The following CNTNAP2 variants were observed in gnomAD, a reference collection of about 807,000 sequenced individuals.
The protein encoded by CNTNAP2 is contactin associated protein 2.
In CNTNAP2, 98 loss-of-function variants were observed where a neutral mutation model predicts 155.2. The ratio of observed to expected loss-of-function variants is 0.63; its 90% CI spans 0.54 to 0.75. The LOEUF is 0.75. Ranked by LOEUF, CNTNAP2 falls within the 30% of genes least tolerant of loss-of-function variation. CNTNAP2 has a pLI of 0.00. For missense variants in CNTNAP2, 1,727 were observed against 1,688.1 expected, an observed-to-expected ratio of 1.02 and a Z score of -0.40; for synonymous variants, 651 against 631.2, an observed-to-expected ratio of 1.03 and a Z score of -0.47.
chr7:146,969,436 G>T (rs957588859), intron 3 of CNTNAP2, among the ~76,000 whole-genome samples: 1 of 152,104 alleles, frequency 6.6e-6, no homozygotes, highest in African/African-American at 2.4e-5. Context: ...TTATTATTGT[G>T]TGGGAGTCTA....
chr7:147,618,872 G>A (rs1343801412), intron 12 of CNTNAP2, among the ~76,000 whole-genome samples: 2 of 152,046 alleles, frequency 1.3e-5, no homozygotes, highest in Admixed American at 6.6e-5. Flanking sequence ...TGAATTACTT[G>A]AGGATTACAG....
chr7:146,666,768 A>G (rs906516622), intron 1 of CNTNAP2, among the ~76,000 whole-genome samples: 13 of 151,936 alleles, frequency 8.6e-5, no homozygotes, highest in Admixed American at 4.6e-4. Flanking sequence ...AGCATTTTTC[A>G]TTTGTTGCAT....
intron 1 of CNTNAP2, among the ~76,000 whole-genome samples, chr7:146,230,376 G>T (rs1275474829): frequency 6.6e-6 from 1 of 152,108 alleles, no homozygotes; most frequent in African/African-American, 2.4e-5. Context: ...AGAGAAACCT[G>T]ATATCTTTCT....
chr7:147,860,298 G>A (rs866493042), intron 13 of CNTNAP2, among the ~76,000 whole-genome samples: 21 of 152,052 alleles, frequency 1.4e-4, no homozygotes, highest in East Asian at 1.9e-4. Context: ...GGTGGTCTGC[G>A]CCTGTAATCC....
intron 9 of CNTNAP2, among the ~76,000 whole-genome samples, chr7:147,307,093 T>A (rs2116785590): frequency 6.6e-6 from 1 of 152,308 alleles, no homozygotes; most frequent in African/African-American, 2.4e-5. Flanking sequence ...CAGTGAAGCA[T>A]AAGCTTAAAA....
At chr7:147,371,822 G>A (rs1424572828) in intron 9 of CNTNAP2, among the ~76,000 whole-genome samples, 1 of 151,978 alleles carries the variant, frequency 6.6e-6, no homozygotes. Flanking sequence ...TGTGCATTTT[G>A]TTATGCATTT....
intron 15 of CNTNAP2, among the ~76,000 whole-genome samples, chr7:148,024,173 A>AAAAAACAAAAAAC (rs1802335365): frequency 6.8e-6 from 1 of 147,888 alleles, no homozygotes. Flanking sequence ...AAAAAAAAAA[A>AAAAAACAAAAAAC]AAAAAACTTT....
intron 18 of CNTNAP2, among the ~76,000 whole-genome samples, chr7:148,210,507 C>T (rs1189552752): frequency 6.6e-6 from 1 of 152,230 alleles, no homozygotes; most frequent in Admixed American, 6.5e-5. Flanking sequence ...GGCCACCCGG[C>T]TCCCACACAG....
At chr7:147,658,062 C>A (rs1159410342) in intron 13 of CNTNAP2, among the ~76,000 whole-genome samples, 3 of 120,562 alleles carry the variant, frequency 2.5e-5, no homozygotes, top group African/African-American at 8.4e-5. Context: ...CGAGACCATC[C>A]CGGCAAAAAT....
At chr7:148,248,359 C>T (rs905270887) in intron 20 of CNTNAP2, among the ~76,000 whole-genome samples, 2 of 152,016 alleles carry the variant, frequency 1.3e-5, no homozygotes, top group African/African-American at 4.8e-5. Context: ...GCACTACACC[C>T]GGCTAATTTT....
chr7:147,494,670 G>T (rs1291433689), intron 11 of CNTNAP2, among the ~76,000 whole-genome samples: 1 of 152,034 alleles, frequency 6.6e-6, no homozygotes, highest in Non-Finnish European at 1.5e-5. Context: ...AGAGAAAAAG[G>T]AATAGAAAAC....
intron 2 of CNTNAP2, among the ~76,000 whole-genome samples, chr7:146,825,016 G>A (rs1049710368): frequency 1.3e-5 from 2 of 151,968 alleles, no homozygotes; most frequent in Non-Finnish European, 2.9e-5. Context: ...GTTTATGAAT[G>A]TAACACTTTC....
chr7:146,425,528 C>T (rs1283661646), intron 1 of CNTNAP2, among the ~76,000 whole-genome samples: 10 of 152,270 alleles, frequency 6.6e-5, no homozygotes, highest in Admixed American at 5.2e-4. Context: ...TATTTTAGTA[C>T]ATCAATAATT....
At chr7:146,180,508 G>A (rs1390436418) in intron 1 of CNTNAP2, among the ~76,000 whole-genome samples, 1 of 151,836 alleles carries the variant, frequency 6.6e-6, no homozygotes, top group Non-Finnish European at 1.5e-5. Context: ...TAAATTCCCA[G>A]TATTAATGTG....
At chr7:146,199,083 T>C (rs1366632690) in intron 1 of CNTNAP2, among the ~76,000 whole-genome samples, 1 of 152,196 alleles carries the variant, frequency 6.6e-6, no homozygotes, top group Non-Finnish European at 1.5e-5. Context: ...ATAATGATGG[T>C]TGTAACTGTA....
chr7:147,230,183 C>T (rs1013443889), intron 8 of CNTNAP2, among the ~76,000 whole-genome samples: 9 of 152,110 alleles, frequency 5.9e-5, no homozygotes, highest in African/African-American at 2.2e-4. Context: ...CATCCAAGAT[C>T]TCAGGAGGAT....
At chr7:147,920,355 CAAAAAAAAAA>C (rs35672069) in intron 14 of CNTNAP2, among the ~76,000 whole-genome samples, 29 of 86,876 alleles carry the variant, frequency 3.3e-4, no homozygotes, top group African/African-American at 1.2e-3. Flanking sequence ...GACTCCGTCT[CAAAAAAAAAA>C]AAAAAAAAAA....
chr7:147,482,845 G>A, intron 10 of CNTNAP2, among the ~76,000 whole-genome samples: 1 of 151,906 alleles, frequency 6.6e-6, no homozygotes, highest in Non-Finnish European at 1.5e-5. Flanking sequence ...CCGGAGTTCG[G>A]CACCAGCCTG....
intron 21 of CNTNAP2, among the ~76,000 whole-genome samples, chr7:148,276,865 G>A (rs17170936): frequency 0.19 from 28,760 of 152,154 alleles, 3,797 homozygotes; most frequent in African/African-American, 0.37. Context: ...AATGCACAAA[G>A]CAGCTCACAT....
Sources: allele counts gnomAD v4.1 joint callset (sites outside exome capture counted in the v4.1 genomes callset), GRCh38; gene constraint gnomAD v4.1.1; transcripts MANE v1.5; gene names NCBI Gene and HGNC (gene_info 2026-07-23, HGNC 2026-07-21).